Variants in LPAR1 observed in about 807,000 individuals in gnomAD.
LPAR1 encodes the protein LPA receptor 1.
A neutral mutation model predicts 23.8 loss-of-function variants in LPAR1; 5 were observed. The observed-to-expected ratio is 0.21, with a 90% CI of 0.11 to 0.44. The LOEUF is 0.44. LPAR1 is among the 20% of genes least tolerant of loss of function. LPAR1 has a pLI of 0.99. For missense variants in LPAR1, 311 were observed against 482.8 expected (o/e 0.64, Z 3.33); for synonymous variants, 160 against 164.7 (o/e 0.97, Z 0.22).
intron 5 of LPAR1, among the ~76,000 whole-genome samples, chr9:110,940,778 C>G (rs1261651771): frequency 6.6e-6 from 1 of 152,120 alleles, no homozygotes; most frequent in South Asian, 2.1e-4. Flanking sequence ...AAAAACAATG[C>G]TTATTTAAAA....
Position 110,941,431 on chromosome 9 carries a change from G to T in LPAR1, c.783C>A (p.Val261=). The part of the protein sequence containing the change: ...DTMMSLLKTV[V]IVLGAFIICW... The stretch of plus-strand genomic sequence containing the variant: ...CAAGACAGAACTTACCAAGCACAAT[G>T]ACCACAGTCTTCAGAAGACTCATCA... The change falls in exon 5 of 6, where the codon GTC becomes GTA. Residue 261 remains valine, a synonymous_variant. Transcript: ENST00000683809. This position sits in a 1 kb window ranked among gnomAD's most constrained non-coding sequence, Gnocchi z 6.1. The T allele has an allele frequency of 6.2e-7, 1 of 1,609,636 alleles. No homozygotes were observed. The highest frequency in any genetic ancestry group is 1.1e-5 in the South Asian group (1 of 90,500).
At chr9:110,924,539 A>G (rs1320654410) in intron 5 of LPAR1, among the ~76,000 whole-genome samples, 1 of 152,122 alleles carries the variant, frequency 6.6e-6, no homozygotes, top group Non-Finnish European at 1.5e-5. Flanking sequence ...TTGCTAATCA[A>G]AAAAAGAGTA....
At chr9:111,021,533 G>T (rs1474182552) in intron 2 of LPAR1, among the ~76,000 whole-genome samples, 1 of 152,074 alleles carries the variant, frequency 6.6e-6, no homozygotes, top group East Asian at 1.9e-4. Flanking sequence ...TAACTTAGAT[G>T]CTGCATATTT....
chr9:110,927,235 C>CTT (rs11439216), intron 5 of LPAR1, among the ~76,000 whole-genome samples: 58,351 of 149,302 alleles, frequency 0.39, 12,162 homozygotes, highest in Non-Finnish European at 0.47. Context: ...GCATTCCACA[C>CTT]TTTTTTTTTT....
At chr9:111,033,842 C>G (rs1462992543) in intron 2 of LPAR1, among the ~76,000 whole-genome samples, 4 of 152,200 alleles carry the variant, frequency 2.6e-5, no homozygotes, top group Admixed American at 2.6e-4. Flanking sequence ...CATGAGCCGC[C>G]GTGCCCAGCC....
intron 2 of LPAR1, among the ~76,000 whole-genome samples, chr9:110,984,959 G>A (rs185261505): frequency 1.1e-4 from 17 of 152,088 alleles, no homozygotes; most frequent in African/African-American, 2.4e-4. Flanking sequence ...CAGAATTTCC[G>A]TTTTAAAGAA....
intron 2 of LPAR1, among the ~76,000 whole-genome samples, chr9:111,033,514 T>A (rs1028793659): frequency 6.6e-6 from 1 of 152,178 alleles, no homozygotes; most frequent in Non-Finnish European, 1.5e-5. Context: ...ATTCACAAGG[T>A]AATTGAAAGA....
At chr9:110,996,376 G>A (rs1389634041) in intron 2 of LPAR1, among the ~76,000 whole-genome samples, 6 of 152,000 alleles carry the variant, frequency 3.9e-5, no homozygotes, top group African/African-American at 1.5e-4. Flanking sequence ...GGCCAACATA[G>A]CAAGATGCCA....
At chr9:110,878,713 T>C (rs973385488) in intron 5 of LPAR1, among the ~76,000 whole-genome samples, 1 of 152,174 alleles carries the variant, frequency 6.6e-6, no homozygotes, top group Non-Finnish European at 1.5e-5. Flanking sequence ...AAAAGCCCTC[T>C]ATAAACTGTG....
chr9:110,931,326 T>C (rs1301387532), intron 5 of LPAR1, among the ~76,000 whole-genome samples: 1 of 152,216 alleles, frequency 6.6e-6, no homozygotes, highest in Non-Finnish European at 1.5e-5. Flanking sequence ...ATTGCACTTA[T>C]TTAAATTATC....
intron 5 of LPAR1, among the ~76,000 whole-genome samples, chr9:110,882,595 T>C (rs1470955682): frequency 6.6e-6 from 1 of 152,194 alleles, no homozygotes; most frequent in Non-Finnish European, 1.5e-5. Flanking sequence ...TTAACCTGTA[T>C]TACCTGGCCA....
chr9:110,977,044 G>A (rs529280245), intron 2 of LPAR1, among the ~76,000 whole-genome samples: 6 of 152,196 alleles, frequency 3.9e-5, no homozygotes, highest in East Asian at 1.9e-4. Context: ...GATCTTAAAC[G>A]TTCAGAAATA....
At chr9:110,956,271 G>A (rs914527801) in intron 4 of LPAR1, among the ~76,000 whole-genome samples, 1 of 152,002 alleles carries the variant, frequency 6.6e-6, no homozygotes, top group Admixed American at 6.6e-5. Context: ...ATAGCATTAG[G>A]AGAAATACTT....
chr9:110,914,370 G>C (rs1392850764), intron 5 of LPAR1, among the ~76,000 whole-genome samples: 1 of 152,210 alleles, frequency 6.6e-6, no homozygotes, highest in African/African-American at 2.4e-5. Context: ...ATGGCGGCAA[G>C]CAAGAGGGAG....
At chr9:110,902,325 G>A (rs560808835) in intron 5 of LPAR1, among the ~76,000 whole-genome samples, 50 of 152,152 alleles carry the variant, frequency 3.3e-4, no homozygotes, top group East Asian at 5.8e-4. Flanking sequence ...CCATAATCCC[G>A]CGTTGTGAGG....
chr9:110,984,422 G>A (rs1010104982), intron 2 of LPAR1, among the ~76,000 whole-genome samples: 3 of 151,852 alleles, frequency 2.0e-5, no homozygotes, highest in Non-Finnish European at 4.4e-5. Context: ...TCCTTTTCTG[G>A]CTGAATAATA....
At chr9:110,995,906 T>G (rs2096991149) in intron 2 of LPAR1, among the ~76,000 whole-genome samples, 2 of 152,194 alleles carry the variant, frequency 1.3e-5, no homozygotes, top group Non-Finnish European at 2.9e-5. Flanking sequence ...GCGGACACTT[T>G]TAAAAATAAT....
chr9:110,954,704 AC>A (rs1385967774), intron 4 of LPAR1, among the ~76,000 whole-genome samples: 1 of 152,046 alleles, frequency 6.6e-6, no homozygotes, highest in Non-Finnish European at 1.5e-5. Context: ...GAGGAAAAAA[AC>A]AAACAAACAA....
At chr9:110,901,532 A>AAG in intron 5 of LPAR1, among the ~76,000 whole-genome samples, 1 of 152,334 alleles carries the variant, frequency 6.6e-6, no homozygotes, top group African/African-American at 2.4e-5. Context: ...TGCAGCAGGC[A>AAG]AGAGAGAGTG....
Sources: allele counts gnomAD v4.1 joint callset (sites outside exome capture counted in the v4.1 genomes callset), GRCh38; gene constraint gnomAD v4.1.1; non-coding constraint Gnocchi (gnomAD v3.1); transcripts MANE v1.5; gene names NCBI Gene and HGNC (gene_info 2026-07-23, HGNC 2026-07-21).